The following MCUB variants were observed in gnomAD, a reference collection of about 807,000 sequenced individuals.
MCUB encodes calcium uniporter regulatory subunit MCUb, mitochondrial.
A neutral mutation model predicts 41.4 loss-of-function variants in MCUB; 46 were observed. That is an observed-to-expected ratio of 1.11 (90% CI 0.88 to 1.42). The LOEUF (loss-of-function observed/expected upper bound fraction) is 1.42. Among genes scored for constraint, MCUB ranks in the 40% most tolerant of loss-of-function variants. The pLI is 0.00. For synonymous variants in MCUB, 148 were observed against 148.2 expected, an observed-to-expected ratio of 1.00 and a Z score of 0.01; for missense variants, 403 against 404.9, an observed-to-expected ratio of 1.00 and a Z score of 0.04.
At chr4:109,593,290 G>A (rs139480576) in intron 1 of MCUB, among the ~76,000 whole-genome samples, 27 of 143,252 alleles carry the variant, frequency 1.9e-4, no homozygotes, top group African/African-American at 7.5e-4. Flanking sequence ...GGAATCACTC[G>A]GATAATAAGA....
chr4:109,614,640 T>C (rs1003353033), intron 1 of MCUB, among the ~76,000 whole-genome samples: 3 of 149,870 alleles, frequency 2.0e-5, no homozygotes, highest in African/African-American at 7.4e-5. Flanking sequence ...TACAGCATCC[T>C]AGATTGACTG....
chr4:109,684,387 G>C (rs1474176751), intron 5 of MCUB, 56 bp from the exon 6 acceptor site: 1 of 1,397,740 alleles, frequency 7.2e-7, no homozygotes, highest in Non-Finnish European at 9.8e-7. Flanking sequence ...CTTGCTTTTT[G>C]TCCCTTTAGT....
At chr4:109,603,617 C>A (rs1439403392) in intron 1 of MCUB, among the ~76,000 whole-genome samples, 1 of 151,194 alleles carries the variant, frequency 6.6e-6, no homozygotes, top group Non-Finnish European at 1.5e-5. Flanking sequence ...AGGTGAGGAG[C>A]GCCTCTGCCC....
intron 1 of MCUB, among the ~76,000 whole-genome samples, chr4:109,577,394 T>C (rs572911039): frequency 6.6e-6 from 1 of 152,182 alleles, no homozygotes; most frequent in African/African-American, 2.4e-5. Flanking sequence ...GCATGTGCCA[T>C]ACACTATCAT....
At chr4:109,674,405 T>C (rs1729527580) in intron 4 of MCUB, among the ~76,000 whole-genome samples, 1 of 152,248 alleles carries the variant, frequency 6.6e-6, no homozygotes, top group African/African-American at 2.4e-5. Flanking sequence ...ATTTTTAAGA[T>C]GAACTTAGTT....
At chr4:109,572,619 A>G (rs1726939131) in intron 1 of MCUB, among the ~76,000 whole-genome samples, 1 of 152,174 alleles carries the variant, frequency 6.6e-6, no homozygotes, top group South Asian at 2.1e-4. Context: ...AGTTCAGGGT[A>G]TATTTAGAAA....
At chr4:109,685,188 C>T (rs1042273724) in intron 6 of MCUB, 63 bp from the exon 7 acceptor site, 24 of 725,674 alleles carry the variant, frequency 3.3e-5, no homozygotes, top group Non-Finnish European at 5.1e-5. Flanking sequence ...AAGTATCTTT[C>T]TTGCAGAGGC....
chr4:109,637,250 G>A (rs2126139486), intron 1 of MCUB, among the ~76,000 whole-genome samples: 2 of 152,342 alleles, frequency 1.3e-5, no homozygotes, highest in Middle Eastern at 3.4e-3. Context: ...TGGGGACACA[G>A]AAAGACTTCT....
chr4:109,612,935 T>C (rs1049521912), intron 1 of MCUB, among the ~76,000 whole-genome samples: 1 of 151,946 alleles, frequency 6.6e-6, no homozygotes, highest in Non-Finnish European at 1.5e-5. Flanking sequence ...TGAAATCCCG[T>C]CTCTACTAAA....
intron 1 of MCUB, among the ~76,000 whole-genome samples, chr4:109,618,148 A>G (rs1561229355): frequency 6.6e-6 from 1 of 152,200 alleles, no homozygotes; most frequent in East Asian, 1.9e-4. Flanking sequence ...TCAGCAGCAC[A>G]GGAACTCGGG....
chr4:109,676,432 A>C (rs1052776582), intron 4 of MCUB, among the ~76,000 whole-genome samples: 2 of 152,206 alleles, frequency 1.3e-5, no homozygotes, highest in Non-Finnish European at 2.9e-5. Flanking sequence ...CTTTGAAATG[A>C]GGAATATCTT....
rs551305879 is a variant in MCUB at position 109,654,878 on chromosome 4, T to A, written c.100-4133T>A. Among the ~76,000 whole-genome samples, 210 of 152,270 alleles carry A rather than the reference T, an allele frequency of 1.4e-3. 1 individual carries two copies. The highest frequency in any genetic ancestry group is 2.1e-3 in the Non-Finnish European group (146 of 68,014). Reference sequence around the variant, plus strand: ...ATACCAACAACCAATTCTCCAACTTTCCAAACACCATCTGGGTGCCCTACA... The same window carrying A: ...ATACCAACAACCAATTCTCCAACTTACCAAACACCATCTGGGTGCCCTACA... On this transcript the variant is annotated intron_variant, in intron 1 of 7. Transcript: ENST00000394650.
intron 1 of MCUB, among the ~76,000 whole-genome samples, chr4:109,616,041 G>C (rs1457261995): frequency 2.6e-5 from 4 of 152,182 alleles, no homozygotes; most frequent in Non-Finnish European, 5.9e-5. Context: ...ACCACAGAAA[G>C]GGCATAGGCC....
chr4:109,595,518 T>C (rs1727533586), intron 1 of MCUB, among the ~76,000 whole-genome samples: 1 of 152,102 alleles, frequency 6.6e-6, no homozygotes, highest in Admixed American at 6.5e-5. Context: ...ATTATGGTGA[T>C]GATGAGGTCT....
chr4:109,593,821 A>G (rs1004227880), intron 1 of MCUB, among the ~76,000 whole-genome samples: 1 of 152,238 alleles, frequency 6.6e-6, no homozygotes, highest in Non-Finnish European at 1.5e-5. Context: ...GTAATAAAAT[A>G]TAATACATTT....
chr4:109,687,827 T>C lies in MCUB; in HGVS notation c.*235T>C. ...CAAAGCAACGGTGGCTGCTGTTAGC[T>C]AAAAATCCTTGTCAGCTTGTCCCAC... On this transcript the variant is annotated 3_prime_UTR_variant, in exon 8 of 8. Transcript: ENST00000394650. The C allele has an allele frequency of 2.1e-6, 1 of 480,504 alleles. No homozygotes were observed. Among genetic ancestry groups the C allele is most frequent in the Non-Finnish European group, 3.7e-6 (1 of 273,630 alleles). 29.8% of individuals were successfully genotyped at this position (480,504 alleles called of 1,614,324 possible).
chr4:109,579,004 C>T (rs1002085898), intron 1 of MCUB, among the ~76,000 whole-genome samples: 8 of 152,104 alleles, frequency 5.3e-5, no homozygotes, highest in Non-Finnish European at 8.8e-5. Context: ...ATTGGAGTCC[C>T]GCCTCCAATA....
At chr4:109,673,504 CTG>C (rs1329751507) in intron 4 of MCUB, among the ~76,000 whole-genome samples, 1 of 152,186 alleles carries the variant, frequency 6.6e-6, no homozygotes, top group East Asian at 1.9e-4. Flanking sequence ...CTTATGAAAA[CTG>C]TATCAGACTT....
At chr4:109,572,258 T>C (rs1726931834) in intron 1 of MCUB, among the ~76,000 whole-genome samples, 1 of 152,208 alleles carries the variant, frequency 6.6e-6, no homozygotes, top group African/African-American at 2.4e-5. Context: ...GAGAAATACA[T>C]TATAATGGTT....
Sources: gnomAD v4.1 joint callset for allele counts (sites outside exome capture counted in the v4.1 genomes callset) on GRCh38, gnomAD v4.1.1 for gene constraint, MANE v1.5 for transcripts, NCBI Gene and HGNC (gene_info 2026-07-23, HGNC 2026-07-21) for gene names.